The following GABRE variants were observed in gnomAD, a reference collection of about 807,000 sequenced individuals.
GABRE encodes the protein gamma-aminobutyric acid receptor subunit epsilon.
Under a neutral mutation model 31.0 loss-of-function variants are expected in GABRE, and 20 were observed. The observed-to-expected ratio is 0.64, with a 90% confidence interval of 0.45 to 0.94. GABRE has a LOEUF of 0.94. GABRE is among the 40% of genes least tolerant of loss of function. GABRE has a pLI of 0.00. For missense variants in GABRE, 420 were observed against 410.7 expected, an observed-to-expected ratio of 1.02 and a Z score of -0.20; for synonymous variants, 155 against 150.6, an observed-to-expected ratio of 1.03 and a Z score of -0.21.
intron 5 of GABRE, among the ~76,000 whole-genome samples, chrX:151,960,641 C>T (rs1024614072): frequency 1.8e-5 from 2 of 111,971 alleles, no homozygotes; most frequent in Non-Finnish European, 3.8e-5. Context: ...CTAGGTGACC[C>T]TTCAGCTAGG....
At chrX:151,958,493 T>G (rs775580166) in intron 6 of GABRE, 28 of 330,705 alleles carry the variant, frequency 8.5e-5, no homozygotes, top group Non-Finnish European at 1.6e-4. Context: ...AAAGAAGACC[T>G]CTTTTCTCCT....
rs921112545 is a variant in GABRE, at chrX:151,953,247, G to C, written c.*1454C>G. ...AGACACAGATTTCACTTAGCATATA[G>C]AAGCATTGGGGCATGTCCAAATTCA... On this transcript the variant is annotated 3_prime_UTR_variant, in exon 9 of 9. Transcript: ENST00000370328. 2 of 111,806 alleles carry C rather than the reference G, an allele frequency of 1.8e-5. No individual in the cohort carries two copies. Among genetic ancestry groups the C allele is most frequent in the African/African-American group, 6.5e-5 (2 of 30,699 alleles). The allele number at this position is 111,806 out of a possible 1,213,427, so 9.2% of individuals were successfully genotyped here.
Position 151,970,840 on chromosome X carries a change from G to C in GABRE, c.57-438C>G, listed in dbSNP as rs145528772. Among the ~76,000 whole-genome samples, 488 of 111,965 alleles carry C rather than the reference G, an allele frequency of 4.4e-3. 1 individual carries two copies. The highest frequency in any genetic ancestry group is 6.6e-3 in the Non-Finnish European group (349 of 53,184). On this transcript the variant is annotated intron_variant, in intron 1 of 8. Transcript: ENST00000370328. Reference sequence around the variant, plus strand: ...GCGAAAGCCAGAGCGGCCTCTCCCAGAGAGGACCAGAAAATTGTGGGAATA... The same window carrying C: ...GCGAAAGCCAGAGCGGCCTCTCCCACAGAGGACCAGAAAATTGTGGGAATA...
intron 6 of GABRE, chrX:151,957,939 T>C: frequency 7.8e-6 from 1 of 128,226 alleles, no homozygotes; most frequent in Non-Finnish European, 1.6e-5. Flanking sequence ...AAAAATAAAC[T>C]AGGGCTATGT....
At chrX:151,972,930 A>G (rs763398135) in intron 1 of GABRE, among the ~76,000 whole-genome samples, 1 of 110,926 alleles carries the variant, frequency 9.0e-6, no homozygotes, top group African/African-American at 3.3e-5. Context: ...TCTAGACATA[A>G]TGGTCCAGCA....
Position 151,954,807 on chromosome X carries a change from C to T in GABRE, c.1415G>A (p.Arg472His), listed in dbSNP as rs80186670. Reference sequence around the variant, plus strand: ...CAGGCGGTAGACATGGATGCAGAGGCGGCCCTGCTGCCAGGTACTGCCCTC... The same window carrying T: ...CAGGCGGTAGACATGGATGCAGAGGTGGCCCTGCTGCCAGGTACTGCCCTC... ...DCEGSTWQQGRLCIHVYRLDN... is the reference protein window; with the variant it reads ...DCEGSTWQQGHLCIHVYRLDN... The change falls in exon 9 of 9, where the codon CGC becomes CAC. Residue 472 changes from arginine to histidine, a missense_variant. Transcript: ENST00000370328. 2.7e-3 allele frequency: 3,287 copies of T among 1,210,161 alleles called. 9 individuals carry two copies. The highest frequency in any genetic ancestry group is 3.2e-3 in the Non-Finnish European group (2,828 of 895,034).
intron 2 of GABRE, 93 bp from the exon 3 acceptor site, chrX:151,969,829 G>A: frequency 8.7e-7 from 1 of 1,146,688 alleles, no homozygotes; most frequent in Non-Finnish European, 1.2e-6. Flanking sequence ...GGGGAGTCAA[G>A]TAAGTGTTGG....
chrX:151,969,768 G>C (rs1349674056), intron 2 of GABRE, 32 bp from the exon 3 acceptor site: 1 of 1,204,229 alleles, frequency 8.3e-7, no homozygotes, highest in Admixed American at 2.2e-5. Context: ...CAGAGGGTAA[G>C]TGTCAAACAG....
intron 1 of GABRE, among the ~76,000 whole-genome samples, chrX:151,972,915 A>G (rs1201409552): frequency 9.1e-6 from 1 of 110,332 alleles, no homozygotes; most frequent in Non-Finnish European, 1.9e-5. Context: ...AGACATTCAC[A>G]TGTCTCTAGA....
chrX:151,962,985 G>C (rs1446579930), intron 3 of GABRE, among the ~76,000 whole-genome samples: 1 of 111,801 alleles, frequency 8.9e-6, no homozygotes, highest in African/African-American at 3.3e-5. Flanking sequence ...CAATAGAAAA[G>C]TTTGCCTTAA....
intron 1 of GABRE, chrX:151,972,492 G>A: frequency 1.3e-6 from 1 of 753,663 alleles, no homozygotes; most frequent in Non-Finnish European, 1.6e-6. Context: ...ACTGAGCACT[G>A]CCAGACAGGA....
At chrX:151,973,434 TC>T (rs982684759) in intron 1 of GABRE, among the ~76,000 whole-genome samples, 5 of 111,080 alleles carry the variant, frequency 4.5e-5, no homozygotes, top group African/African-American at 1.6e-4. Flanking sequence ...TTTATCAAGC[TC>T]CTGCTGAGGC....
intron 3 of GABRE, among the ~76,000 whole-genome samples, chrX:151,967,975 A>G (rs975250019): frequency 8.9e-6 from 1 of 112,675 alleles, no homozygotes; most frequent in South Asian, 3.7e-4. Flanking sequence ...GCATCTGATG[A>G]GGAGAATACC....
intron 1 of GABRE, chrX:151,972,754 A>C: frequency 2.1e-5 from 12 of 580,535 alleles, no homozygotes; most frequent in South Asian, 9.1e-5. Flanking sequence ...ACAAAACAAA[A>C]CCTCATCTTG....
Position 151,970,209 on chromosome X carries a change from G to A in GABRE, c.250C>T (p.His84Tyr), listed in dbSNP as rs766497896. 4.1e-6 allele frequency: 5 copies of A among 1,211,683 alleles called. No homozygotes were observed. Among genetic ancestry groups the A allele is most frequent in the East Asian group, 5.9e-5 (2 of 33,830 alleles). Reference sequence around the variant, plus strand: ...CCTCCAATGCCAGGGCGCAGTTTGTGGTCATAATTACTCAGGATAGTGTTC... The same window carrying A: ...CCTCCAATGCCAGGGCGCAGTTTGTAGTCATAATTACTCAGGATAGTGTTC... Reference protein sequence around the residue: ...ILNTILSNYDHKLRPGIGEKP... With the variant: ...ILNTILSNYDYKLRPGIGEKP... Residue 84 changes from histidine to tyrosine, a missense_variant, in exon 2 of 9, where the codon CAC becomes TAC. Transcript: ENST00000370328.
rs146075336 is a variant in GABRE, at chrX:151,954,910, G to A, written c.1312C>T (p.Arg438Cys). The A allele has an allele frequency of 9.0e-5, 109 of 1,208,912 alleles. No homozygotes were observed. The East Asian group carries it at 1.1e-3, about 13-fold the overall frequency. The change falls in exon 9 of 9, where the codon CGC (arginine) becomes TGC (cysteine). Residue 438 changes from arginine to cysteine, a missense_variant. By Grantham distance (180) the Arg-to-Cys change is radical. Transcript: ENST00000370328. ...PPSPGSPEGP[R>C]SLCSKLACCE... is the part of the protein sequence containing the mutation. Reference sequence around the variant, plus strand: ...CAGGCCAGCTTGGAGCAGAGGCTGCGGGGACCCTCAGGGCTACCTGGGCTA... The same window carrying A: ...CAGGCCAGCTTGGAGCAGAGGCTGCAGGGACCCTCAGGGCTACCTGGGCTA...
At chrX:151,968,216 CTCAGTTGAGCCT>C (rs1295948542) in intron 3 of GABRE, among the ~76,000 whole-genome samples, 1 of 112,050 alleles carries the variant, frequency 8.9e-6, no homozygotes, top group Non-Finnish European at 1.9e-5. Context: ...TGGATCCCCC[CTCAGTTGAGCCT>C]TCAGATGAGA....
chrX:151,969,874 A>C (rs189648095), intron 2 of GABRE, 138 bp from the exon 3 acceptor site: 13 of 1,086,594 alleles, frequency 1.2e-5, no homozygotes, highest in African/African-American at 3.8e-5. Context: ...CTATTTCTTT[A>C]TTTATTCTTT....
In GABRE at chrX:151,954,391, G is replaced by A. The variant is rs1162638052; in HGVS notation, c.*310C>T. 4.3e-6 allele frequency: 1 copy of A among 230,183 alleles called. No homozygotes were observed. Among genetic ancestry groups the A allele is most frequent in the Non-Finnish European group, 7.8e-6 (1 of 128,954 alleles). The allele number at this position is 230,183 out of a possible 1,213,427, so 19.0% of individuals were successfully genotyped here. ...AGCTAATCCGCCTGTACTTAGGCAT[G>A]GTTTTAGGGAGCTGATCACTAAGTG... On this transcript the variant is annotated 3_prime_UTR_variant, in exon 9 of 9. Coordinates refer to ENST00000370328, the MANE Select transcript of GABRE (RefSeq NM_004961.4).
Sources: gnomAD v4.1 joint callset for allele counts (sites outside exome capture counted in the v4.1 genomes callset) on GRCh38, gnomAD v4.1.1 for gene constraint, MANE v1.5 for transcripts, NCBI Gene and HGNC (gene_info 2026-07-23, HGNC 2026-07-21) for gene names.